Variants in NEXMIF observed in about 807,000 individuals in gnomAD.
NEXMIF encodes XLMR protein related to neurite extension.
NEXMIF carries 8 observed loss-of-function variants against 62.1 expected under a neutral mutation model. The ratio of observed to expected loss-of-function variants is 0.13; its 90% CI spans 0.08 to 0.23. The LOEUF is 0.23. Ranked by LOEUF, NEXMIF falls within the 10% of genes least tolerant of loss-of-function variation. The pLI, the probability that NEXMIF is intolerant of heterozygous loss-of-function variation, is 1.00. For missense variants in NEXMIF, 976 were observed against 1,113.3 expected (o/e 0.88, Z 1.75); for synonymous variants, 404 against 416.6 (o/e 0.97, Z 0.37).
chrX:74,766,056 AAAT>A (rs2080194156), intron 1 of NEXMIF, among the ~76,000 whole-genome samples: 1 of 107,922 alleles, frequency 9.3e-6, no homozygotes, highest in African/African-American at 3.4e-5. Flanking sequence ...AAAAAAAAAA[AAAT>A]GTTGAATATA....
At chrX:74,763,770 G>T (rs1445369923) in intron 1 of NEXMIF, among the ~76,000 whole-genome samples, 2 of 111,336 alleles carry the variant, frequency 1.8e-5, no homozygotes, top group Admixed American at 9.6e-5. Context: ...CTCTCTGTTT[G>T]TCTGTTTTTG....
chrX:74,869,530 A>C (rs768440314), intron 1 of NEXMIF, among the ~76,000 whole-genome samples: 1 of 111,971 alleles, frequency 8.9e-6, no homozygotes, highest in Non-Finnish European at 1.9e-5. Context: ...AAGAAGTCAA[A>C]ATATCCTTAT....
chrX:74,878,643 T>C (rs1349618997), intron 1 of NEXMIF, among the ~76,000 whole-genome samples: 1 of 112,767 alleles, frequency 8.9e-6, no homozygotes, highest in Non-Finnish European at 1.9e-5. Flanking sequence ...TCAGCGGGAC[T>C]CCGTGGGCGT....
At chrX:74,786,697 C>T (rs759250393) in intron 1 of NEXMIF, among the ~76,000 whole-genome samples, 33 of 111,775 alleles carry the variant, frequency 3.0e-4, no homozygotes, top group Non-Finnish European at 5.5e-4. Context: ...CACTCTTTAA[C>T]CTAGCCTCCA....
intron 1 of NEXMIF, among the ~76,000 whole-genome samples, chrX:74,801,498 C>T (rs915497262): frequency 2.7e-5 from 3 of 111,611 alleles, no homozygotes; most frequent in African/African-American, 9.8e-5. Flanking sequence ...AAAATGCTGC[C>T]TTGAAAGGAA....
chrX:74,743,017 C>A lies in NEXMIF; in HGVS notation c.1540G>T (p.Gly514Cys), dbSNP rs1395034531. Residue 514 changes from glycine to cysteine, a missense_variant, in exon 3 of 4, where the codon GGT becomes TGT. Physicochemically the swap from Gly to Cys is radical, Grantham distance 159 (BLOSUM62 -3). This residue lies in a region of NEXMIF where 639 missense variants were observed against 694.5 expected (regional missense o/e 0.92). Transcript: ENST00000055682. ...TCATCATCATCTTCCTCTTTGGAAC[C>A]AACTGGCAGCCATTCCTTCCTCTCA... ...VNERKEWLPV[G>C]SKEEDDDEWC... is the part of the protein sequence containing the mutation. The A allele has an allele frequency of 5.8e-6, 7 of 1,209,145 alleles. No individual in the cohort carries two copies. The highest frequency in any genetic ancestry group is 3.5e-5 in the African/African-American group (2 of 57,057).
At chrX:74,751,823 T>G (rs2080145081) in intron 1 of NEXMIF, among the ~76,000 whole-genome samples, 3 of 90,247 alleles carry the variant, frequency 3.3e-5, no homozygotes, top group Admixed American at 2.5e-4. Context: ...CTCCCTTCCT[T>G]CCCTTCCTTC....
At chrX:74,796,245 C>CACATATATATTATATATATTATATATAT (rs1569345282) in intron 1 of NEXMIF, among the ~76,000 whole-genome samples, 177 of 14,428 alleles carry the variant, frequency 0.012, 2 homozygotes, top group African/African-American at 0.02. Flanking sequence ...TATATATATA[C>CACATATATATTATATATATTATATATAT]ACATATATAT....
chrX:74,904,224 A>T (rs1161688383), intron 1 of NEXMIF, among the ~76,000 whole-genome samples: 1 of 111,099 alleles, frequency 9.0e-6, no homozygotes, highest in Non-Finnish European at 1.9e-5. Context: ...TGAGAGAGTA[A>T]TGAAACTTCT....
chrX:74,860,097 T>C (rs957749039), intron 1 of NEXMIF, among the ~76,000 whole-genome samples: 5 of 110,721 alleles, frequency 4.5e-5, no homozygotes, highest in African/African-American at 1.6e-4. Flanking sequence ...TAAGGAGTGG[T>C]TGAATAAATT....
intron 1 of NEXMIF, among the ~76,000 whole-genome samples, chrX:74,757,253 G>C (rs2080162171): frequency 8.9e-6 from 1 of 112,181 alleles, no homozygotes; most frequent in Non-Finnish European, 1.9e-5. Context: ...AGCAGATACC[G>C]AACATTTTCA....
intron 1 of NEXMIF, among the ~76,000 whole-genome samples, chrX:74,849,282 A>T (rs1298353746): frequency 8.9e-6 from 1 of 112,633 alleles, no homozygotes; most frequent in Non-Finnish European, 1.9e-5. Context: ...GCAAGGAAGG[A>T]GAGGGAAGAA....
chrX:74,907,238 T>C (rs2080771810), intron 1 of NEXMIF, among the ~76,000 whole-genome samples: 1 of 110,939 alleles, frequency 9.0e-6, no homozygotes, highest in Admixed American at 9.6e-5. Context: ...GCCCTGCTGA[T>C]GAGTGACAGG....
At chrX:74,809,327 A>C (rs1376194883) in intron 1 of NEXMIF, among the ~76,000 whole-genome samples, 4 of 112,299 alleles carry the variant, frequency 3.6e-5, no homozygotes, top group African/African-American at 9.7e-5. Flanking sequence ...AAATTGTAGA[A>C]CCATGTCTTG....
chrX:74,826,790 C>G (rs2080419593), intron 1 of NEXMIF, among the ~76,000 whole-genome samples: 1 of 110,668 alleles, frequency 9.0e-6, no homozygotes, highest in African/African-American at 3.3e-5. Context: ...ACTTTTATAG[C>G]CATGCATGTT....
intron 1 of NEXMIF, among the ~76,000 whole-genome samples, chrX:74,920,593 G>A (rs1039974425): frequency 1.8e-5 from 2 of 111,525 alleles, no homozygotes; most frequent in Non-Finnish European, 3.8e-5. Context: ...TCACTCTGAT[G>A]GTAGTTTCTT....
intron 1 of NEXMIF, among the ~76,000 whole-genome samples, chrX:74,887,538 A>G (rs1286305701): frequency 2.7e-5 from 3 of 112,548 alleles, no homozygotes; most frequent in Non-Finnish European, 3.8e-5. Flanking sequence ...CAAAAAACAC[A>G]TGAAGAAATG....
intron 1 of NEXMIF, among the ~76,000 whole-genome samples, chrX:74,883,668 A>G (rs1216235919): frequency 3.6e-5 from 4 of 112,162 alleles, no homozygotes; most frequent in Admixed American, 1.9e-4. Context: ...ATCTACGTCT[A>G]ATTGGTGTAT....
chrX:74,787,104 C>CAAAAAAAAAA (rs766388500), intron 1 of NEXMIF, among the ~76,000 whole-genome samples: 103 of 31,415 alleles, frequency 3.3e-3, no homozygotes, highest in East Asian at 0.019. Flanking sequence ...ACCAAAAATA[C>CAAAAAAAAAA]AAAAAAAAAA....
Sources: allele counts gnomAD v4.1 joint callset (sites outside exome capture counted in the v4.1 genomes callset), GRCh38; gene constraint gnomAD v4.1.1; regional missense constraint gnomAD v4.1.1; transcripts MANE v1.5; gene names NCBI Gene and HGNC (gene_info 2026-07-23, HGNC 2026-07-21).